SOX5: variants seen among roughly 807,000 people sequenced by gnomAD.
The protein encoded by SOX5 is transcription factor SOX-5.
SOX5 carries 9 observed loss-of-function variants against 92.0 expected under a neutral mutation model. The ratio of observed to expected loss-of-function variants is 0.10; its 90% CI spans 0.06 to 0.17. The LOEUF (loss-of-function observed/expected upper bound fraction) is 0.17, where lower values mean the gene tolerates loss of function less well. Ranked by LOEUF, SOX5 falls within the 10% of genes least tolerant of loss-of-function variation. SOX5 has a pLI of 1.00. For synonymous variants in SOX5, 344 were observed against 336.3 expected, an observed-to-expected ratio of 1.02 and a Z score of -0.25; for missense variants, 642 against 944.5, an observed-to-expected ratio of 0.68 and a Z score of 4.20.
chr12:24,206,798 C>T (rs1395691476), intron 4 of SOX5, among the ~76,000 whole-genome samples: 1 of 152,216 alleles, frequency 6.6e-6, no homozygotes, highest in Non-Finnish European at 1.5e-5. Context: ...GAAGGTCACA[C>T]TGATGACTTC....
intron 4 of SOX5, among the ~76,000 whole-genome samples, chr12:24,038,176 C>A (rs926311046): frequency 6.6e-6 from 1 of 152,150 alleles, no homozygotes; most frequent in Non-Finnish European, 1.5e-5. Flanking sequence ...CCCAAATAAA[C>A]CTTTCTTCCA....
intron 1 of SOX5, among the ~76,000 whole-genome samples, chr12:24,492,577 G>A (rs1014440126): frequency 6.6e-6 from 1 of 152,102 alleles, no homozygotes; most frequent in Non-Finnish European, 1.5e-5. Context: ...AAAAGTCAAT[G>A]ATTCAATCCC....
At chr12:24,387,001 T>G (rs1033661063) in intron 1 of SOX5, among the ~76,000 whole-genome samples, 6 of 152,192 alleles carry the variant, frequency 3.9e-5, no homozygotes, top group African/African-American at 7.2e-5. Context: ...TTGTCCACAT[T>G]TGTAAATGAG....
rs982976221 is a variant in SOX5 at position 24,482,852 on chromosome 12, A to G, written c.-251+79477T>C. 2.5e-4 allele frequency among the ~76,000 whole-genome samples: 38 copies of G among 152,216 alleles called. 1 individual carries two copies. The highest frequency in any genetic ancestry group is 7.4e-5 in the Non-Finnish European group (5 of 68,026). Reference sequence around the variant, plus strand: ...TGTGAATAAAAGATTGTTCTAAATTATCTCACTGATAGATGTATGTTACTT... The same window carrying G: ...TGTGAATAAAAGATTGTTCTAAATTGTCTCACTGATAGATGTATGTTACTT... On this transcript the variant is annotated intron_variant, in intron 1 of 4. Transcript: ENST00000446891.
chr12:24,111,792 T>C (rs1484127004), intron 4 of SOX5, among the ~76,000 whole-genome samples: 1 of 152,228 alleles, frequency 6.6e-6, no homozygotes, highest in African/African-American at 2.4e-5. Flanking sequence ...TCAAAAACTT[T>C]CCGTTTCCTT....
chr12:24,081,737 A>G (rs1943358019), intron 4 of SOX5, among the ~76,000 whole-genome samples: 1 of 151,998 alleles, frequency 6.6e-6, no homozygotes, highest in Admixed American at 6.6e-5. Flanking sequence ...GTGACTTCAG[A>G]CAGTGCTTTC....
intron 3 of SOX5, among the ~76,000 whole-genome samples, chr12:23,756,300 T>C (rs1398604638): frequency 6.6e-6 from 1 of 151,662 alleles, no homozygotes. Context: ...TCTAGAGAAG[T>C]GAGGAATGCT....
At chr12:23,699,227 G>C (rs1593398876) in intron 6 of SOX5, among the ~76,000 whole-genome samples, 2 of 152,300 alleles carry the variant, frequency 1.3e-5, no homozygotes, top group African/African-American at 4.8e-5. Context: ...TTAACTCAGA[G>C]AGACTGCCAA....
intron 6 of SOX5, among the ~76,000 whole-genome samples, chr12:23,678,538 C>T (rs73073854): frequency 0.033 from 5,023 of 152,174 alleles, 144 homozygotes; most frequent in Non-Finnish European, 0.053. Flanking sequence ...AGACGGACAA[C>T]ATGAATTCTT....
chr12:23,870,665 C>A (rs751612320), intron 2 of SOX5, among the ~76,000 whole-genome samples: 4 of 152,086 alleles, frequency 2.6e-5, no homozygotes, highest in Non-Finnish European at 5.9e-5. Flanking sequence ...AACTATTCAA[C>A]CTATGTTTTC....
At chr12:24,412,605 A>T (rs1964303542) in intron 1 of SOX5, among the ~76,000 whole-genome samples, 1 of 151,752 alleles carries the variant, frequency 6.6e-6, no homozygotes, top group African/African-American at 2.4e-5. Context: ...TCTTTCTGTT[A>T]TTGATTTCTA....
At chr12:23,542,292 T>C (rs1942239111) in intron 13 of SOX5, among the ~76,000 whole-genome samples, 1 of 152,258 alleles carries the variant, frequency 6.6e-6, no homozygotes. Flanking sequence ...AAAATGTTTC[T>C]ATTCTATTTT....
At chr12:24,323,943 G>A (rs1303266068) in intron 2 of SOX5, among the ~76,000 whole-genome samples, 4 of 151,972 alleles carry the variant, frequency 2.6e-5, no homozygotes, top group African/African-American at 9.7e-5. Flanking sequence ...AGAAATACAG[G>A]GAATGCCTCA....
intron 1 of SOX5, among the ~76,000 whole-genome samples, chr12:24,539,620 T>C (rs1305496019): frequency 6.6e-6 from 1 of 152,064 alleles, no homozygotes. Context: ...CACAGTAAAA[T>C]TATCTTTTAA....
intron 4 of SOX5, among the ~76,000 whole-genome samples, chr12:24,176,924 T>G (rs1393405709): frequency 1.3e-5 from 2 of 152,108 alleles, no homozygotes; most frequent in African/African-American, 2.4e-5. Context: ...TTTTAGGATG[T>G]GGTAATTTGT....
intron 8 of SOX5, among the ~76,000 whole-genome samples, chr12:23,639,813 G>A (rs933171430): frequency 1.3e-5 from 2 of 152,100 alleles, no homozygotes; most frequent in African/African-American, 4.8e-5. Context: ...CCATGTGCAG[G>A]CCAGATGTTA....
intron 2 of SOX5, among the ~76,000 whole-genome samples, chr12:23,881,170 C>A (rs537133923): frequency 7.6e-4 from 116 of 152,048 alleles, no homozygotes; most frequent in Non-Finnish European, 1.3e-3. Flanking sequence ...TTTAGTATGA[C>A]AAGATAAAGC....
intron 3 of SOX5, among the ~76,000 whole-genome samples, chr12:23,804,225 A>T (rs2095715315): frequency 1.3e-5 from 2 of 152,162 alleles, no homozygotes; most frequent in African/African-American, 4.8e-5. Flanking sequence ...TCTATAAAGT[A>T]ACAGAAATAT....
chr12:24,327,624 C>T (rs986711971), intron 2 of SOX5, among the ~76,000 whole-genome samples: 1 of 151,440 alleles, frequency 6.6e-6, no homozygotes, highest in African/African-American at 2.4e-5. Flanking sequence ...CGCTCTGTCC[C>T]CCAGGCTGGA....
Sources: allele counts gnomAD v4.1 joint callset (sites outside exome capture counted in the v4.1 genomes callset), GRCh38; gene constraint gnomAD v4.1.1; transcripts MANE v1.5; gene names NCBI Gene and HGNC (gene_info 2026-07-23, HGNC 2026-07-21).